Variants in OR56A4 observed in about 807,000 individuals in gnomAD.
OR56A4 encodes the protein olfactory receptor family 56 subfamily A member 4, also known as olfactory receptor 56A4.
A neutral mutation model predicts 13.6 loss-of-function variants in OR56A4; 9 were observed. That is an observed-to-expected ratio of 0.66 (90% CI 0.40 to 1.15). OR56A4 has a LOEUF of 1.15. Among genes scored for constraint, OR56A4 ranks in the 50% most tolerant of loss-of-function variants. The pLI, the probability that OR56A4 is intolerant of heterozygous loss-of-function variation, is 0.01. For missense variants in OR56A4, 380 were observed against 375.9 expected (o/e 1.01, Z -0.09); for synonymous variants, 167 against 153.9 (o/e 1.08, Z -0.63).
intron 2 of OR56A4, among the ~76,000 whole-genome samples, chr11:6,005,241 C>T (rs1848248633): frequency 6.6e-6 from 1 of 152,038 alleles, no homozygotes; most frequent in African/African-American, 2.4e-5. Context: ...AAAGATGCAA[C>T]AAGCTAAGAG....
intron 2 of OR56A4, among the ~76,000 whole-genome samples, chr11:6,003,941 T>C (rs1848237812): frequency 6.6e-6 from 1 of 152,254 alleles, no homozygotes; most frequent in Non-Finnish European, 1.5e-5. Context: ...TGTAAACTCA[T>C]CTGCTTTGAT....
chr11:5,999,491 C>T lies in OR56A4; in HGVS notation c.*2560G>A, dbSNP rs576060814. 35 of 152,230 alleles carry T rather than the reference C, an allele frequency of 2.3e-4. No individual in the cohort carries two copies. In the East Asian group the frequency reaches 3.1e-3, roughly 13 times the overall value. 9.4% of individuals were successfully genotyped at this position (152,230 alleles called of 1,614,324 possible). A position where few individuals can be genotyped will look rare whatever the true frequency, so the allele number is the denominator to read the frequency against. On this transcript the variant is annotated 3_prime_UTR_variant, in exon 3 of 3. Coordinates refer to ENST00000641156, the MANE Select transcript of OR56A4 (RefSeq NM_001005179.4). Reference sequence around the variant, plus strand: ...TGAGTTTAACCAAAGTTCACAAAAGCGGAGTACACAAATTTAGCCAAATTA... The same window carrying T: ...TGAGTTTAACCAAAGTTCACAAAAGTGGAGTACACAAATTTAGCCAAATTA...
chr11:6,002,133 G>T lies in OR56A4; in HGVS notation c.860C>A (p.Pro287His). Residue 287 changes from proline to histidine, a missense_variant, in exon 3 of 3, where the codon CCC becomes CAC. By Grantham distance (77) the Pro-to-His change is moderately conservative. Coordinates refer to ENST00000641156, the MANE Select transcript of OR56A4 (RefSeq NM_001005179.4). ...ATAAACAATGGGGTTCAGAGCTGGG[G>T]GAATGAGGTGGTGCAGGATGTTGAG... is the stretch of plus-strand genomic sequence containing the variant. ...ILLNILHHLIPPALNPIVYGV... is the reference protein window; with the variant it reads ...ILLNILHHLIHPALNPIVYGV... 1 of 1,614,102 alleles carries T rather than the reference G, an allele frequency of 6.2e-7. No individual in the cohort carries two copies.
chr11:6,003,149 C>T (rs149069582), intron 2 of OR56A4, 121 bp from the exon 3 acceptor site: 4 of 1,551,862 alleles, frequency 2.6e-6, no homozygotes, highest in South Asian at 1.2e-5. Context: ...CTGTCATCAT[C>T]CTCCCTTATA....
chr11:6,005,444 C>T (rs1207871695), intron 2 of OR56A4, among the ~76,000 whole-genome samples: 1 of 152,098 alleles, frequency 6.6e-6, no homozygotes, highest in Non-Finnish European at 1.5e-5. Flanking sequence ...AAAAGATGTT[C>T]AAAGGGAAGC....
chr11:6,003,088 G>T (rs1449131822), intron 2 of OR56A4, 60 bp from the exon 3 acceptor site: 2 of 1,608,106 alleles, frequency 1.2e-6, no homozygotes, highest in Admixed American at 1.7e-5. Context: ...GTAGTAGAGT[G>T]TGGGTTTCCA....
Position 6,002,850 on chromosome 11 carries a change from A to T in OR56A4, c.143T>A (p.Leu48His), listed in dbSNP as rs376077628. 5 of 1,613,974 alleles carry T rather than the reference A, an allele frequency of 3.1e-6. No individual in the cohort carries two copies. The highest frequency in any genetic ancestry group is 2.2e-5 in the East Asian group (1 of 44,884). ...FLLAMGANTT[L>H]LITIQLEASL... ...GGCCTCCAGCTGGATGGTGATCAGG[A>T]GGGTGGTGTTAGCTCCCATGGCCAG... Residue 48 changes from leucine (L) to histidine (H), a missense_variant, in exon 3 of 3, where the codon CTC becomes CAC. Transcript: ENST00000641156.
chr11:6,004,696 C>T (rs775727281), intron 2 of OR56A4, among the ~76,000 whole-genome samples: 21 of 152,298 alleles, frequency 1.4e-4, no homozygotes, highest in Admixed American at 2.6e-4. Flanking sequence ...ATTTCAATAT[C>T]TGATTAGGAA....
At chr11:6,005,585 G>A (rs886368751) in intron 2 of OR56A4, among the ~76,000 whole-genome samples, 8 of 152,180 alleles carry the variant, frequency 5.3e-5, no homozygotes, top group Non-Finnish European at 8.8e-5. Flanking sequence ...CACTTTAACC[G>A]CTAAAACAAA....
In OR56A4 at chr11:6,001,382, C is replaced by T. The variant is rs1254838985; in HGVS notation, c.*669G>A. The stretch of plus-strand genomic sequence containing the variant: ...CCTAAAACTTTATCAACCTCATTTA[C>T]AAACCAAAAACTGAAGAAAGAAAAT... On this transcript the variant is annotated 3_prime_UTR_variant, in exon 3 of 3. Coordinates refer to ENST00000641156, the MANE Select transcript of OR56A4 (RefSeq NM_001005179.4). 2 of 152,284 alleles carry T rather than the reference C, an allele frequency of 1.3e-5. No homozygotes were observed. Among genetic ancestry groups the T allele is most frequent in the African/African-American group, 4.8e-5 (2 of 41,454 alleles). 9.4% of individuals were successfully genotyped at this position (152,284 alleles called of 1,614,324 possible).
rs1848212698 is a variant in OR56A4 at position 6,001,506 on chromosome 11, G to A, written c.*545C>T. 1 of 152,522 alleles carries A rather than the reference G, an allele frequency of 6.6e-6. No individual in the cohort carries two copies. Among genetic ancestry groups the A allele is most frequent in the South Asian group, 2.1e-4 (1 of 4,826 alleles). 9.4% of individuals were successfully genotyped at this position (152,522 alleles called of 1,614,324 possible). On this transcript the variant is annotated 3_prime_UTR_variant, in exon 3 of 3. Transcript: ENST00000641156. ...GGAGAATTTTAGGAGCCAGTGAATA[G>A]CACATCTGCCTCAGGTGCCATGGAA...
rs1848228276 is a variant in OR56A4 at position 6,002,917 on chromosome 11, A to T, written c.76T>A (p.Trp26Arg). The T allele has an allele frequency of 6.2e-7, 1 of 1,613,900 alleles. No homozygotes were observed. Among genetic ancestry groups the T allele is most frequent in the African/African-American group, 1.3e-5 (1 of 74,932 alleles). ...LLICFPNFQS[W>R]QHWLSLPLSL... ...AGGGGCAGAGACAACCAGTGCTGCC[A>T]GCTCTGGAAGTTGGGGAAGCAGATG... Residue 26 changes from tryptophan to arginine, a missense_variant, in exon 3 of 3, where the codon TGG becomes AGG. Physicochemically the swap from Trp to Arg is moderately radical, Grantham distance 101. Coordinates refer to ENST00000641156, the MANE Select transcript of OR56A4 (RefSeq NM_001005179.4).
intron 2 of OR56A4, among the ~76,000 whole-genome samples, chr11:6,005,473 A>G (rs1452795867): frequency 1.3e-5 from 2 of 152,208 alleles, no homozygotes; most frequent in Admixed American, 1.3e-4. Flanking sequence ...CCTTGAGAGG[A>G]TCCTTAGAAG....
chr11:6,002,889 C>G lies in OR56A4; in HGVS notation c.104G>C (p.Ser35Thr). Residue 35 changes from serine to threonine, a missense_variant, in exon 3 of 3, where the codon AGC becomes ACC. By Grantham distance (58) the Ser-to-Thr change is moderately conservative. Coordinates refer to ENST00000641156, the MANE Select transcript of OR56A4 (RefSeq NM_001005179.4). The part of the protein sequence containing the change: ...SWQHWLSLPL[S>T]LLFLLAMGAN... ...TCCCATGGCCAGGAGGAAGAGAAGG[C>G]TGAGGGGCAGAGACAACCAGTGCTG... 1 of 1,613,940 alleles carries G rather than the reference C, an allele frequency of 6.2e-7. No individual in the cohort carries two copies. Among genetic ancestry groups the G allele is most frequent in the East Asian group, 2.2e-5 (1 of 44,864 alleles).
In OR56A4 at chr11:6,002,258, A is replaced by G. The variant is rs756867364; in HGVS notation, c.735T>C (p.Gly245=). Residue 245 remains glycine (G), a synonymous_variant, in exon 3 of 3, where the codon GGT becomes GGC. Transcript: ENST00000641156. Reference sequence around the variant, plus strand: ...AGAAGAGGATGAGGATGAAGTGGGAACCACACGTGCTCAAGGCCTTGGCCA... The same window carrying G: ...AGAAGAGGATGAGGATGAAGTGGGAGCCACACGTGCTCAAGGCCTTGGCCA... The part of the protein sequence containing the change: ...GAVAKALSTC[G]SHFILILFFS... 2.7e-5 allele frequency: 43 copies of G among 1,614,028 alleles called. No individual in the cohort carries two copies. The highest frequency in any genetic ancestry group is 3.6e-5 in the Non-Finnish European group (43 of 1,180,000).
chr11:6,004,748 T>C (rs1848244811), intron 2 of OR56A4, among the ~76,000 whole-genome samples: 1 of 152,184 alleles, frequency 6.6e-6, no homozygotes, highest in Non-Finnish European at 1.5e-5. Flanking sequence ...ATTGAACTAA[T>C]TCACCTTATC....
chr11:6,006,517 A>G (rs1461304888), intron 1 of OR56A4, 114 bp from the exon 2 acceptor site: 1 of 152,240 alleles, frequency 6.6e-6, no homozygotes, highest in Non-Finnish European at 1.5e-5. Flanking sequence ...CAGATTCTGA[A>G]CTAACCAAAA....
At position 6,002,159 on chromosome 11, in the gene OR56A4, C is replaced by G; in HGVS notation, c.834G>C (p.Leu278=). ...RKRIPPDVPI[L]LNILHHLIPP... is the part of the protein sequence containing the mutation. Reference sequence around the variant, plus strand: ...GAATGAGGTGGTGCAGGATGTTGAGCAGGATGGGGACATCTGGAGGAATTC... The same window carrying G: ...GAATGAGGTGGTGCAGGATGTTGAGGAGGATGGGGACATCTGGAGGAATTC... Residue 278 remains leucine (L), a synonymous_variant, in exon 3 of 3, where the codon CTG becomes CTC. Transcript: ENST00000641156. 6.2e-7 allele frequency: 1 copy of G among 1,614,140 alleles called. No individual in the cohort carries two copies. The highest frequency in any genetic ancestry group is 8.5e-7 in the Non-Finnish European group (1 of 1,180,020).
chr11:6,003,555 A>G (rs556038883), intron 2 of OR56A4, among the ~76,000 whole-genome samples: 1 of 152,312 alleles, frequency 6.6e-6, no homozygotes, highest in South Asian at 2.1e-4. Context: ...ACTCACACAC[A>G]CAACCACTCA....
Sources: gnomAD v4.1 joint callset for allele counts (sites outside exome capture counted in the v4.1 genomes callset) on GRCh38, gnomAD v4.1.1 for gene constraint, MANE v1.5 for transcripts, NCBI Gene and HGNC (gene_info 2026-07-23, HGNC 2026-07-21) for gene names.